The following PRKAR1A variants were observed in gnomAD, a reference collection of about 807,000 sequenced individuals.
PRKAR1A encodes the protein protein kinase cAMP-dependent type I regulatory subunit alpha.
A neutral mutation model predicts 52.0 loss-of-function variants in PRKAR1A; 3 were observed. The observed-to-expected ratio is 0.06, with a 90% CI of 0.03 to 0.15. The LOEUF (loss-of-function observed/expected upper bound fraction) is 0.15, where lower values mean the gene tolerates loss of function less well. Ranked by LOEUF, PRKAR1A falls within the 10% of genes least tolerant of loss-of-function variation. The pLI, the probability that PRKAR1A is intolerant of heterozygous loss-of-function variation, is 1.00. For missense variants in PRKAR1A, 240 were observed against 477.4 expected (o/e 0.50, Z 4.63); for synonymous variants, 188 against 168.4 (o/e 1.12, Z -0.90).
chr17:68,508,064 C>T (rs9906645), upstream of PRKAR1A, among the ~76,000 whole-genome samples: 150,630 of 152,242 alleles, frequency 0.99, 74,530 homozygotes, highest in East Asian at 1. Context: ...CAGTTGAAGG[C>T]CTTAAGAGAA....
At chr17:68,466,465 G>A in the PRKAR1A span, among the ~76,000 whole-genome samples, 2 of 141,708 alleles carry the variant, frequency 1.4e-5, no homozygotes, top group Admixed American at 7.2e-5. Flanking sequence ...AGGCTGGAGT[G>A]CAGTGGTGCG....
the PRKAR1A span, among the ~76,000 whole-genome samples, chr17:68,498,889 T>C: frequency 6.6e-6 from 1 of 152,200 alleles, no homozygotes; most frequent in Non-Finnish European, 1.5e-5. Flanking sequence ...CTTCTGTAGC[T>C]CTCAGGTGGA....
At chr17:68,446,843 C>T in the PRKAR1A span, among the ~76,000 whole-genome samples, 16 of 152,156 alleles carry the variant, frequency 1.1e-4, no homozygotes, top group African/African-American at 2.9e-4. Flanking sequence ...ATCTGCTCTG[C>T]GGCTCACTCA....
intron 2 of PRKAR1A, among the ~76,000 whole-genome samples, chr17:68,520,665 C>T (rs887748446): frequency 4.6e-5 from 7 of 152,146 alleles, no homozygotes; most frequent in African/African-American, 1.4e-4. Flanking sequence ...CTAGAAAACT[C>T]ATGATCTGAG....
chr17:68,515,457 C>T lies in PRKAR1A; in HGVS notation c.58C>T (p.Leu20Phe). 1 of 1,613,650 alleles carries T rather than the reference C, an allele frequency of 6.2e-7. No homozygotes were observed. Among genetic ancestry groups the T allele is most frequent in the Non-Finnish European group, 8.5e-7 (1 of 1,180,046 alleles). Reference protein sequence around the residue: ...EEARSLRECELYVQKHNIQAL... With the variant: ...EEARSLRECEFYVQKHNIQAL... ...GGCACGCAGCCTTCGAGAATGTGAG[C>T]TCTACGTCCAGAAGCATAACATTCA... The change falls in exon 2 of 11, where the codon CTC becomes TTC. Residue 20 changes from leucine (L) to phenylalanine (F), a missense_variant. By Grantham distance (22) the Leu-to-Phe change is conservative. Coordinates refer to ENST00000589228, the MANE Select transcript of PRKAR1A (RefSeq NM_002734.5).
the PRKAR1A span, among the ~76,000 whole-genome samples, chr17:68,488,416 C>T: frequency 7.0e-3 from 1,068 of 152,108 alleles, 15 homozygotes; most frequent in Non-Finnish European, 0.011. Context: ...AAGTGTCCCT[C>T]TCAGGAAGAA....
At chr17:68,548,784 G>A (rs953289285) in intron 11 of PRKAR1A, among the ~76,000 whole-genome samples, 4 of 140,120 alleles carry the variant, frequency 2.9e-5, no homozygotes, top group African/African-American at 8.1e-5. Flanking sequence ...CTGGGCTGGA[G>A]TGCAGTGGCT....
At chr17:68,442,395 G>T in the PRKAR1A span, among the ~76,000 whole-genome samples, 1 of 151,438 alleles carries the variant, frequency 6.6e-6, no homozygotes, top group Admixed American at 6.6e-5. Flanking sequence ...AATCCGGGAG[G>T]CGAAGGTTGC....
chr17:68,506,004 G>T, the PRKAR1A span, among the ~76,000 whole-genome samples: 1 of 152,150 alleles, frequency 6.6e-6, no homozygotes, highest in Non-Finnish European at 1.5e-5. Flanking sequence ...TATTAATTAG[G>T]ATAATTACAT....
upstream of PRKAR1A, among the ~76,000 whole-genome samples, chr17:68,510,697 C>T (rs2085252384): frequency 6.6e-6 from 1 of 152,162 alleles, no homozygotes; most frequent in East Asian, 1.9e-4. Flanking sequence ...TCTTTTATCC[C>T]CATTTCTGAT....
the PRKAR1A span, among the ~76,000 whole-genome samples, chr17:68,489,719 T>A: frequency 2.1e-5 from 1 of 47,460 alleles, no homozygotes; most frequent in Non-Finnish European, 5.7e-5. Flanking sequence ...CCCGGCAAAT[T>A]TTTTTTTTTT....
chr17:68,441,728 G>GT, the PRKAR1A span, among the ~76,000 whole-genome samples: 10 of 152,202 alleles, frequency 6.6e-5, no homozygotes, highest in Non-Finnish European at 1.5e-4. Flanking sequence ...ACAACCTCAG[G>GT]TAACGCTCTC....
chr17:68,494,378 AC>A, the PRKAR1A span, among the ~76,000 whole-genome samples: 13 of 151,954 alleles, frequency 8.6e-5, no homozygotes, highest in African/African-American at 2.9e-4. Flanking sequence ...CATCTCTACT[AC>A]AAAAATACAA....
chr17:68,457,569 C>CGCCCCTCCCCCGCCCCG, the PRKAR1A span: 6 of 135,160 alleles, frequency 4.4e-5, no homozygotes, highest in African/African-American at 1.4e-4. Context: ...GCCCCGTCCC[C>CGCCCCTCCCCCGCCCCG]ACCCCGCCCC....
intron 2 of PRKAR1A, among the ~76,000 whole-genome samples, chr17:68,518,906 C>G (rs1208385719): frequency 3.9e-5 from 6 of 152,332 alleles, no homozygotes; most frequent in Non-Finnish European, 7.3e-5. Flanking sequence ...GTTCAAAGTT[C>G]CACAGATTTC....
chr17:68,489,626 C>T, the PRKAR1A span, among the ~76,000 whole-genome samples: 1 of 151,652 alleles, frequency 6.6e-6, no homozygotes, highest in African/African-American at 2.4e-5. Context: ...TCTCAGCTCA[C>T]TGCAACCTCT....
chr17:68,533,261 T>C lies in PRKAR1A; in HGVS notation c.*2812T>C, dbSNP rs759458813. On this transcript the variant is annotated 3_prime_UTR_variant, in exon 11 of 11. Transcript: ENST00000589228. The stretch of plus-strand genomic sequence containing the variant: ...TGATTAAGTTGTATTCATTAGTGTA[T>C]TGGTATTTCTTCACATCCAGTGAAA... 127 of 1,062,774 alleles carry C rather than the reference T, an allele frequency of 1.2e-4. 1 individual carries two copies. The highest frequency in any genetic ancestry group is 1.4e-4 in the Non-Finnish European group (125 of 877,274). The allele number at this position is 1,062,774 out of a possible 1,614,324, so 65.8% of individuals were successfully genotyped here. A position where few individuals can be genotyped will look rare whatever the true frequency, so the allele number is the denominator to read the frequency against.
In PRKAR1A at chr17:68,531,552, G is replaced by T; in HGVS notation, c.*1103G>T. ...GATTTTGGAAGAAGTTTTTTACTTT[G>T]GTTTAGTCTTTTTTTCCTTCCTTTT... On this transcript the variant is annotated 3_prime_UTR_variant, in exon 11 of 11. Coordinates refer to ENST00000589228, the MANE Select transcript of PRKAR1A (RefSeq NM_002734.5). 9.4e-7 allele frequency: 1 copy of T among 1,066,266 alleles called. No homozygotes were observed. The highest frequency in any genetic ancestry group is 5.0e-5 in the East Asian group (1 of 20,146). 66.1% of individuals were successfully genotyped at this position (1,066,266 alleles called of 1,614,324 possible).
At chr17:68,457,580 T>G in the PRKAR1A span, 21 of 156,176 alleles carry the variant, frequency 1.3e-4, no homozygotes, top group African/African-American at 3.3e-4. Flanking sequence ...ACCCCGCCCC[T>G]ACCCCGCCCC....
Sources: gnomAD v4.1 joint callset for allele counts (sites outside exome capture counted in the v4.1 genomes callset) on GRCh38, gnomAD v4.1.1 for gene constraint, MANE v1.5 for transcripts, NCBI Gene and HGNC (gene_info 2026-07-23, HGNC 2026-07-21) for gene names.